The following EXOC1 variants were observed in gnomAD, a reference collection of about 807,000 sequenced individuals.
EXOC1 encodes exocyst complex component 1, also known as SEC3-like 1.
In EXOC1, 67 loss-of-function variants were observed where a neutral mutation model predicts 107.7. That is an observed-to-expected ratio of 0.62 (90% CI 0.51 to 0.76). The LOEUF (loss-of-function observed/expected upper bound fraction) is 0.76. Among genes scored for constraint, EXOC1 ranks in the 30% least tolerant of loss-of-function variants. The pLI, the probability that EXOC1 is intolerant of heterozygous loss-of-function variation, is 0.00. For missense variants in EXOC1, 833 were observed against 1,055.7 expected (o/e 0.79, Z 2.92); for synonymous variants, 348 against 353.5 (o/e 0.98, Z 0.17).
In EXOC1 at chr4:55,891,398, A is replaced by T. The variant is rs1188242527; in HGVS notation, c.1623A>T (p.Gln541His). Reference sequence around the variant, plus strand: ...TAAGTAAATTTTTCAAACTACAGCAACATCAAAGTATGCCTGGAACTATGG... The same window carrying T: ...TAAGTAAATTTTTCAAACTACAGCATCATCAAAGTATGCCTGGAACTATGG... Reference protein sequence around the residue: ...DFISKFFKLQQHQSMPGTMAE... With the variant: ...DFISKFFKLQHHQSMPGTMAE... Residue 541 changes from glutamine (Q) to histidine (H), a missense_variant, in exon 13 of 19, where the codon CAA (glutamine) becomes CAT (histidine). By Grantham distance (24) the Gln-to-His change is conservative (BLOSUM62 0). Around this residue, in one of 2 missense-constraint regions of EXOC1, gnomAD observed 617 missense variants for 701.3 expected, o/e 0.88. Coordinates refer to ENST00000381295, the MANE Select transcript of EXOC1 (RefSeq NM_001024924.2). The T allele has an allele frequency of 1.2e-6, 2 of 1,612,338 alleles. No individual in the cohort carries two copies. Among genetic ancestry groups the T allele is most frequent in the Admixed American group, 3.3e-5 (2 of 60,010 alleles).
Position 55,899,743 on chromosome 4 carries a change from C to A in EXOC1, c.2196C>A (p.Asn732Lys). 1 of 1,613,686 alleles carries A rather than the reference C, an allele frequency of 6.2e-7. No homozygotes were observed. The change falls in exon 17 of 19, where the codon AAC becomes AAA. Residue 732 changes from asparagine to lysine, a missense_variant. This residue lies in a region of EXOC1 where 216 missense variants were observed against 354.4 expected (regional missense o/e 0.61). Coordinates refer to ENST00000381295, the MANE Select transcript of EXOC1 (RefSeq NM_001024924.2). ...KTPRDVVMME[N>K]FHHIFATLSR... ...CCAGGGATGTGGTTATGATGGAAAA[C>A]TTTCACCATATTTTTGCAACTCTTT...
At chr4:55,856,066 A>G (rs982180320) in intron 1 of EXOC1, among the ~76,000 whole-genome samples, 1 of 152,220 alleles carries the variant, frequency 6.6e-6, no homozygotes, top group Non-Finnish European at 1.5e-5. Context: ...ATTTACAACA[A>G]TAGTCATGGG....
intron 8 of EXOC1, among the ~76,000 whole-genome samples, chr4:55,874,504 A>C (rs987708649): frequency 6.6e-6 from 1 of 152,110 alleles, no homozygotes; most frequent in Non-Finnish European, 1.5e-5. Context: ...CACTTCTTTC[A>C]TTGTACTTTT....
intron 15 of EXOC1, among the ~76,000 whole-genome samples, chr4:55,894,611 T>C (rs2109475734): frequency 7.3e-6 from 1 of 137,410 alleles, no homozygotes; most frequent in African/African-American, 2.7e-5. Context: ...TTACTATCTG[T>C]TACTTTTTTT....
intron 9 of EXOC1, chr4:55,883,513 T>C (rs1417998932): frequency 5.3e-6 from 1 of 188,766 alleles, no homozygotes; most frequent in Non-Finnish European, 1.1e-5. Context: ...TGGAGAAATG[T>C]ATTTGTTCTG....
At chr4:55,858,287 T>C in intron 1 of EXOC1, 27 bp from the exon 2 acceptor site, 1 of 1,561,514 alleles carries the variant, frequency 6.4e-7, no homozygotes, top group Admixed American at 2.0e-5. Context: ...GAGGGTGAGC[T>C]TAATATCTAT....
At chr4:55,883,780 A>C in intron 9 of EXOC1, 43 bp from the exon 10 acceptor site, 1 of 1,228,640 alleles carries the variant, frequency 8.1e-7, no homozygotes, top group Non-Finnish European at 1.1e-6. Flanking sequence ...AAATTGTTAT[A>C]TGTGTTTTAT....
At position 55,887,025 on chromosome 4, in the gene EXOC1, A is replaced by G. The variant is rs1222426641; in HGVS notation, c.1331-1863A>G. On this transcript the variant is annotated intron_variant, in intron 10 of 18. Transcript: ENST00000381295. ...AATAGATTTATTTTGATATTTTCAA[A>G]GGCATGGAATTTTTTCCCACAGGAT... is the stretch of plus-strand genomic sequence containing the variant. Among the ~76,000 whole-genome samples, 3 of 152,184 alleles carry G rather than the reference A, an allele frequency of 2.0e-5. No homozygotes were observed. The East Asian group carries it at 5.8e-4, about 29-fold the overall frequency.
chr4:55,879,970 T>G (rs543296107), intron 9 of EXOC1, among the ~76,000 whole-genome samples: 4 of 152,228 alleles, frequency 2.6e-5, no homozygotes, highest in African/African-American at 9.6e-5. Flanking sequence ...TTTGTCTCTG[T>G]GGAATGAGAA....
chr4:55,878,297 C>T (rs1723080287), intron 9 of EXOC1, among the ~76,000 whole-genome samples: 1 of 152,140 alleles, frequency 6.6e-6, no homozygotes, highest in Non-Finnish European at 1.5e-5. Flanking sequence ...TAGCCTAAAG[C>T]ATCAATTTAG....
intron 11 of EXOC1, 28 bp from the exon 12 acceptor site, chr4:55,890,195 C>T: frequency 6.2e-7 from 1 of 1,608,904 alleles, no homozygotes. Context: ...GTGAAGATCA[C>T]AACTTTCAAA....
chr4:55,869,845 C>T (rs555127582), intron 5 of EXOC1, among the ~76,000 whole-genome samples: 11 of 152,268 alleles, frequency 7.2e-5, no homozygotes, highest in East Asian at 1.9e-4. Context: ...GGTTTTTCAT[C>T]GTACCATGTT....
At chr4:55,887,180 A>ATTTGTATGAGATT (rs146617711) in intron 10 of EXOC1, among the ~76,000 whole-genome samples, 33,775 of 151,872 alleles carry the variant, frequency 0.22, 4,019 homozygotes, top group East Asian at 0.48. Context: ...ATCACCTCTC[A>ATTTGTATGAGATT]TTAGTCCCTT....
chr4:55,891,564 G>A, intron 13 of EXOC1, 142 bp downstream of exon 13: 1 of 590,780 alleles, frequency 1.7e-6, no homozygotes, highest in Non-Finnish European at 2.9e-6. Context: ...TAAGGATTTA[G>A]GATGTAAGGA....
At chr4:55,886,536 G>C (rs992703398) in intron 10 of EXOC1, among the ~76,000 whole-genome samples, 3 of 145,678 alleles carry the variant, frequency 2.1e-5, no homozygotes, top group African/African-American at 7.6e-5. Flanking sequence ...CTGGACAACA[G>C]AGCAAGACCC....
intron 4 of EXOC1, among the ~76,000 whole-genome samples, chr4:55,865,826 TA>T (rs879347527): frequency 1.8e-3 from 266 of 143,900 alleles, no homozygotes; most frequent in African/African-American, 4.5e-3. Flanking sequence ...GTGTCTAACT[TA>T]AAAAAAAAAA....
At chr4:55,882,223 C>T (rs1471700920) in intron 9 of EXOC1, among the ~76,000 whole-genome samples, 1 of 152,096 alleles carries the variant, frequency 6.6e-6, no homozygotes, top group Non-Finnish European at 1.5e-5. Flanking sequence ...TCACTGCAGC[C>T]TCAACTTCCT....
intron 10 of EXOC1, among the ~76,000 whole-genome samples, chr4:55,884,933 G>C (rs17728804): frequency 0.077 from 11,726 of 152,150 alleles, 542 homozygotes; most frequent in African/African-American, 0.095. Flanking sequence ...GATTATACTA[G>C]TCCAGACATT....
At chr4:55,889,146 G>T (rs1018259891) in intron 11 of EXOC1, among the ~76,000 whole-genome samples, 1 of 152,146 alleles carries the variant, frequency 6.6e-6, no homozygotes, top group Non-Finnish European at 1.5e-5. Context: ...AGAACATTGT[G>T]TCAGAAATTT....
Sources: allele counts gnomAD v4.1 joint callset (sites outside exome capture counted in the v4.1 genomes callset), GRCh38; gene constraint gnomAD v4.1.1; regional missense constraint gnomAD v4.1.1; transcripts MANE v1.5; gene names NCBI Gene and HGNC (gene_info 2026-07-23, HGNC 2026-07-21).